The following TAOK1 variants were observed in gnomAD, a reference collection of about 807,000 sequenced individuals.
TAOK1 encodes the protein TAO kinase 1, also known as serine/threonine-protein kinase TAO1.
In TAOK1, 21 loss-of-function variants were observed where a neutral mutation model predicts 138.3. The ratio of observed to expected loss-of-function variants is 0.15; its 90% CI spans 0.11 to 0.22. The LOEUF (loss-of-function observed/expected upper bound fraction) is 0.22. TAOK1 is among the 10% of genes least tolerant of loss of function. TAOK1 has a pLI of 1.00. For missense variants in TAOK1, 651 were observed against 1,227.7 expected (o/e 0.53, Z 7.02); for synonymous variants, 361 against 398.4 (o/e 0.91, Z 1.12).
intron 17 of TAOK1, among the ~76,000 whole-genome samples, chr17:29,525,259 C>T (rs1288977652): frequency 2.0e-5 from 3 of 152,008 alleles, no homozygotes; most frequent in African/African-American, 7.2e-5. Context: ...ATTACAGGTG[C>T]ACACCACCAC....
intron 1 of TAOK1, among the ~76,000 whole-genome samples, chr17:29,425,499 C>T (rs764478172): frequency 1.3e-5 from 2 of 152,100 alleles, no homozygotes; most frequent in Admixed American, 6.5e-5. Flanking sequence ...GGCAGCATGG[C>T]GATACCCCAT....
intron 19 of TAOK1, among the ~76,000 whole-genome samples, chr17:29,539,416 A>G (rs561126900): frequency 4.1e-4 from 63 of 152,238 alleles, no homozygotes; most frequent in African/African-American, 1.4e-3. Flanking sequence ...GTGGTGGTGC[A>G]TGCCTGTTTT....
chr17:29,479,719 G>A (rs907434671), intron 6 of TAOK1, among the ~76,000 whole-genome samples: 2 of 152,054 alleles, frequency 1.3e-5, no homozygotes, highest in East Asian at 1.9e-4. Context: ...GAATGATTAA[G>A]TATATATTAT....
At chr17:29,412,845 G>A (rs974524725) in intron 1 of TAOK1, among the ~76,000 whole-genome samples, 13 of 152,164 alleles carry the variant, frequency 8.5e-5, no homozygotes, top group African/African-American at 3.1e-4. Context: ...GTATTAGACC[G>A]TAGTAGAATC....
intron 5 of TAOK1, 91 bp downstream of exon 5, chr17:29,477,797 T>TA: frequency 1.3e-6 from 1 of 764,204 alleles, no homozygotes; most frequent in Non-Finnish European, 1.8e-6. Flanking sequence ...CCAAATAATG[T>TA]AAAACTTTCC....
At chr17:29,495,802 T>C (rs921679298) in intron 11 of TAOK1, 75 bp downstream of exon 11, 38 of 1,295,784 alleles carry the variant, frequency 2.9e-5, no homozygotes, top group Non-Finnish European at 3.8e-5. Context: ...TGCCCTGCCA[T>C]AATTTACCTT....
At chr17:29,439,449 G>A (rs576031712) in intron 1 of TAOK1, among the ~76,000 whole-genome samples, 107 of 151,874 alleles carry the variant, frequency 7.0e-4, no homozygotes, top group South Asian at 6.9e-3. Context: ...GTGATCTGCC[G>A]GCTTCGGCCT....
At chr17:29,514,162 G>A (rs921536308) in intron 15 of TAOK1, 1 of 151,986 alleles carries the variant, frequency 6.6e-6, no homozygotes, top group African/African-American at 2.4e-5. Flanking sequence ...CTACTTGTGT[G>A]CCCATGTTAT....
chr17:29,475,021 A>G (rs1598497125), intron 3 of TAOK1, among the ~76,000 whole-genome samples: 2 of 151,724 alleles, frequency 1.3e-5, no homozygotes, highest in Non-Finnish European at 1.5e-5. Flanking sequence ...GCTCACTGCA[A>G]CCTCCACCTC....
At chr17:29,479,646 AT>A (rs2031017568) in intron 6 of TAOK1, among the ~76,000 whole-genome samples, 1 of 152,200 alleles carries the variant, frequency 6.6e-6, no homozygotes, top group South Asian at 2.1e-4. Context: ...ATGCTCTAAA[AT>A]ATTATAGTGA....
chr17:29,476,906 C>A (rs369153186), intron 4 of TAOK1, among the ~76,000 whole-genome samples: 1 of 151,978 alleles, frequency 6.6e-6, no homozygotes, highest in Non-Finnish European at 1.5e-5. Flanking sequence ...AGTTCAGTGG[C>A]GCAATCACGG....
At chr17:29,477,304 G>A (rs1299881849) in intron 4 of TAOK1, among the ~76,000 whole-genome samples, 1 of 151,670 alleles carries the variant, frequency 6.6e-6, no homozygotes, top group Non-Finnish European at 1.5e-5. Flanking sequence ...TTGTAGTAAT[G>A]GAATAGTACA....
intron 3 of TAOK1, among the ~76,000 whole-genome samples, chr17:29,470,548 A>G (rs1433299656): frequency 5.3e-5 from 8 of 152,118 alleles, no homozygotes; most frequent in Admixed American, 5.2e-4. Context: ...TAAAAAAAAG[A>G]AAGGTTGGAC....
intron 8 of TAOK1, among the ~76,000 whole-genome samples, chr17:29,484,584 G>T (rs570185099): frequency 6.6e-6 from 1 of 151,496 alleles, no homozygotes; most frequent in Admixed American, 6.6e-5. Flanking sequence ...TATGATTTTC[G>T]TTTTTTTTCT....
At chr17:29,419,517 A>ATC (rs71138817) in intron 1 of TAOK1, among the ~76,000 whole-genome samples, 22,253 of 143,194 alleles carry the variant, frequency 0.16, 1,861 homozygotes, top group Admixed American at 0.2. Flanking sequence ...TTGAGATGTA[A>ATC]TCTCTCTCTC....
chr17:29,526,169 G>C (rs1471796766), intron 17 of TAOK1, among the ~76,000 whole-genome samples: 1 of 151,928 alleles, frequency 6.6e-6, no homozygotes, highest in Admixed American at 6.6e-5. Context: ...TAGCTACTTG[G>C]GAGGCTGAGG....
At chr17:29,504,887 A>G (rs1001010378) in intron 13 of TAOK1, among the ~76,000 whole-genome samples, 1 of 152,142 alleles carries the variant, frequency 6.6e-6, no homozygotes, top group East Asian at 1.9e-4. Context: ...GAACAGAGCA[A>G]GTGGTAAAGA....
intron 1 of TAOK1, among the ~76,000 whole-genome samples, chr17:29,420,585 G>GT (rs71360703): frequency 0.053 from 6,543 of 123,418 alleles, 500 homozygotes; most frequent in African/African-American, 0.13. Context: ...TACTTAATCT[G>GT]TTTTTTTTTT....
At chr17:29,430,587 G>A (rs1328258557) in intron 1 of TAOK1, among the ~76,000 whole-genome samples, 3 of 152,200 alleles carry the variant, frequency 2.0e-5, no homozygotes, top group African/African-American at 2.4e-5. Context: ...AAAGGTCAAA[G>A]GGAGTCGCCT....
Sources: allele counts gnomAD v4.1 joint callset (sites outside exome capture counted in the v4.1 genomes callset), GRCh38; gene constraint gnomAD v4.1.1; transcripts MANE v1.5; gene names NCBI Gene and HGNC (gene_info 2026-07-23, HGNC 2026-07-21).